PTPRD: variants seen among roughly 807,000 people sequenced by gnomAD.
PTPRD encodes receptor-type tyrosine-protein phosphatase delta.
PTPRD carries 34 observed loss-of-function variants against 214.5 expected under a neutral mutation model. That is an observed-to-expected ratio of 0.16 (90% CI 0.12 to 0.21). The LOEUF (loss-of-function observed/expected upper bound fraction) is 0.21, where lower values mean the gene tolerates loss of function less well. PTPRD is among the 10% of genes least tolerant of loss of function. The pLI, the probability that PTPRD is intolerant of heterozygous loss-of-function variation, is 1.00. For synonymous variants in PTPRD, 1,128 were observed against 845.7 expected, an observed-to-expected ratio of 1.33 and a Z score of -5.79; for missense variants, 2,545 against 2,398.7, an observed-to-expected ratio of 1.06 and a Z score of -1.27.
intron 9 of PTPRD, among the ~76,000 whole-genome samples, chr9:9,352,861 G>A (rs10977679): frequency 0.45 from 67,665 of 151,700 alleles, 16,225 homozygotes; most frequent in Middle Eastern, 0.62. Context: ...AAGGTAGGAC[G>A]TGGTTCTTTT....
chr9:8,544,269 C>A (rs2079285221), intron 14 of PTPRD, among the ~76,000 whole-genome samples: 2 of 144,748 alleles, frequency 1.4e-5, no homozygotes, highest in Admixed American at 7.0e-5. Context: ...CAGGTTCAAG[C>A]AATTTGCCTG....
intron 9 of PTPRD, among the ~76,000 whole-genome samples, chr9:9,262,604 A>G (rs2099980625): frequency 6.6e-6 from 1 of 151,540 alleles, no homozygotes; most frequent in African/African-American, 2.4e-5. Context: ...AGTAAAAAAA[A>G]ATGCCCTTGT....
At chr9:9,577,190 C>G (rs989078078) in intron 7 of PTPRD, among the ~76,000 whole-genome samples, 11 of 152,098 alleles carry the variant, frequency 7.2e-5, no homozygotes, top group Non-Finnish European at 1.5e-4. Flanking sequence ...AAGGTCAAAG[C>G]AGAAATACAG....
intron 9 of PTPRD, among the ~76,000 whole-genome samples, chr9:9,234,325 C>T (rs896708478): frequency 6.6e-6 from 1 of 152,160 alleles, no homozygotes; most frequent in African/African-American, 2.4e-5. Flanking sequence ...GCACCATGTC[C>T]TGAGGATGCA....
At chr9:10,492,815 G>T (rs1385321330) in intron 2 of PTPRD, among the ~76,000 whole-genome samples, 1 of 152,040 alleles carries the variant, frequency 6.6e-6, no homozygotes, top group East Asian at 1.9e-4. Flanking sequence ...GTATTGCCTA[G>T]ACTTTCTTTC....
At chr9:9,537,756 A>G (rs1323267120) in intron 8 of PTPRD, among the ~76,000 whole-genome samples, 1 of 151,942 alleles carries the variant, frequency 6.6e-6, no homozygotes, top group African/African-American at 2.4e-5. Context: ...GCTTAAAAGT[A>G]ACTGATATTA....
At chr9:8,623,090 A>C (rs1324411872) in intron 14 of PTPRD, among the ~76,000 whole-genome samples, 1 of 151,940 alleles carries the variant, frequency 6.6e-6, no homozygotes, top group Non-Finnish European at 1.5e-5. Context: ...GTGACAGGTT[A>C]CAGTGAGCTA....
rs140340392 is a variant in PTPRD at position 9,733,153 on chromosome 9, T to A, written c.-287+1380A>T. ...GCCTTCACTGTGGGCTGGTTAAAGT[T>A]ATGACAGAACATTTTAATGTCAACT... is the stretch of plus-strand genomic sequence containing the variant. On this transcript the variant is annotated intron_variant, in intron 7 of 45. Coordinates refer to ENST00000381196, the MANE Select transcript of PTPRD (RefSeq NM_002839.4). 3.1e-3 allele frequency among the ~76,000 whole-genome samples: 467 copies of A among 152,276 alleles called. 3 individuals are homozygous for A. The highest frequency in any genetic ancestry group is 0.011 in the African/African-American group (447 of 41,562).
chr9:9,624,042 G>C (rs1309767616), intron 7 of PTPRD, among the ~76,000 whole-genome samples: 2 of 152,130 alleles, frequency 1.3e-5, no homozygotes, highest in East Asian at 3.9e-4. Flanking sequence ...CTAATGATTA[G>C]AGCAAATCAG....
At chr9:8,718,640 A>T (rs370152980) in intron 12 of PTPRD, among the ~76,000 whole-genome samples, 22 of 152,302 alleles carry the variant, frequency 1.4e-4, no homozygotes, top group African/African-American at 5.1e-4. Flanking sequence ...TAATCTAATT[A>T]GTCCGCCTTC....
intron 10 of PTPRD, among the ~76,000 whole-genome samples, chr9:9,085,702 T>A (rs1303933662): frequency 6.6e-6 from 1 of 152,160 alleles, no homozygotes; most frequent in East Asian, 1.9e-4. Flanking sequence ...ATTGTCGGTT[T>A]GCCACCTCAT....
chr9:8,460,325 A>T (rs778298138), intron 33 of PTPRD, 86 bp downstream of exon 33: 1 of 1,498,472 alleles, frequency 6.7e-7, no homozygotes, highest in Non-Finnish European at 9.2e-7. Flanking sequence ...ACTAAAATCA[A>T]CCACCTAAGG....
intron 11 of PTPRD, among the ~76,000 whole-genome samples, chr9:8,953,906 T>C (rs2099117196): frequency 6.6e-6 from 1 of 152,002 alleles, no homozygotes; most frequent in South Asian, 2.1e-4. Flanking sequence ...GGAATGTAAT[T>C]AGTCCTGCCA....
intron 10 of PTPRD, among the ~76,000 whole-genome samples, chr9:9,177,835 G>A (rs2099925851): frequency 6.6e-6 from 1 of 152,130 alleles, no homozygotes; most frequent in Non-Finnish European, 1.5e-5. Flanking sequence ...ATAAAAGACT[G>A]AGTTAATTTT....
chr9:9,444,314 C>G (rs1404740531), intron 8 of PTPRD, among the ~76,000 whole-genome samples: 2 of 152,020 alleles, frequency 1.3e-5, no homozygotes, highest in African/African-American at 4.8e-5. Flanking sequence ...TAAAATGAGT[C>G]CGATAAATAT....
rs192197693 is a variant in PTPRD at position 10,079,563 on chromosome 9, T to C, written c.-544-45773A>G. The stretch of plus-strand genomic sequence containing the variant: ...CATGTTTGAGTGTGGGCATCAAGGA[T>C]AGAGATTTGGATTTTAATTCAGGCC... On this transcript the variant is annotated intron_variant, in intron 3 of 45. Coordinates refer to ENST00000381196, the MANE Select transcript of PTPRD (RefSeq NM_002839.4). Among the ~76,000 whole-genome samples the C allele has an allele frequency of 1.6e-3, 251 of 152,202 alleles. 2 individuals are homozygous for C. The highest frequency in any genetic ancestry group is 5.6e-3 in the African/African-American group (233 of 41,554).
intron 7 of PTPRD, among the ~76,000 whole-genome samples, chr9:9,587,056 T>A (rs1384644334): frequency 6.6e-6 from 1 of 151,884 alleles, no homozygotes; most frequent in Non-Finnish European, 1.5e-5. Flanking sequence ...GAAATGTATG[T>A]GTATATAGGT....
intron 3 of PTPRD, among the ~76,000 whole-genome samples, chr9:10,231,985 A>AGTGTGTGTGTGT (rs1424117716): frequency 1.0e-3 from 101 of 96,224 alleles, no homozygotes; most frequent in East Asian, 2.3e-3. Flanking sequence ...AGAGAGAGAG[A>AGTGTGTGTGTGT]GAGAGTGTGT....
At chr9:10,472,794 C>A (rs1237655339) in intron 2 of PTPRD, among the ~76,000 whole-genome samples, 1 of 151,762 alleles carries the variant, frequency 6.6e-6, no homozygotes, top group African/African-American at 2.4e-5. Context: ...TCTGATATAG[C>A]AAACCTAAAT....
Sources: gnomAD v4.1 joint callset for allele counts (sites outside exome capture counted in the v4.1 genomes callset) on GRCh38, gnomAD v4.1.1 for gene constraint, MANE v1.5 for transcripts, NCBI Gene and HGNC (gene_info 2026-07-23, HGNC 2026-07-21) for gene names.